IMMP2L: variants seen among roughly 807,000 people sequenced by gnomAD.
IMMP2L encodes mitochondrial inner membrane protease subunit 2.
In IMMP2L, 18 loss-of-function variants were observed where a neutral mutation model predicts 19.3. The observed-to-expected ratio is 0.93, with a 90% CI of 0.64 to 1.38. The LOEUF is 1.38. Among genes scored for constraint, IMMP2L ranks in the 40% most tolerant of loss-of-function variants. The pLI is 0.00. For missense variants in IMMP2L, 233 were observed against 218.2 expected, an observed-to-expected ratio of 1.07 and a Z score of -0.43; for synonymous variants, 76 against 73.0, an observed-to-expected ratio of 1.04 and a Z score of -0.21.
At chr7:111,378,788 T>G (rs37664) in intron 3 of IMMP2L, among the ~76,000 whole-genome samples, 29,966 of 151,794 alleles carry the variant, frequency 0.2, 3,932 homozygotes, top group African/African-American at 0.37. Context: ...TGTTACATGA[T>G]AAGTTGCAGT....
intron 3 of IMMP2L, among the ~76,000 whole-genome samples, chr7:111,233,805 TCTAATGA>T (rs1259706792): frequency 6.6e-6 from 1 of 151,986 alleles, no homozygotes; most frequent in Non-Finnish European, 1.5e-5. Context: ...CCAACAATAG[TCTAATGA>T]TTATATACCT....
Position 111,315,805 on chromosome 7 carries a change from TA to T in IMMP2L, c.239+171432del, listed in dbSNP as rs886842724. Among the ~76,000 whole-genome samples the T allele has an allele frequency of 1.8e-3, 272 of 149,488 alleles. 2 individuals are homozygous for T. Among genetic ancestry groups the T allele is most frequent in the African/African-American group, 6.3e-3 (257 of 40,762 alleles). On this transcript the variant is annotated intron_variant, in intron 3 of 5. Coordinates refer to ENST00000405709, the MANE Select transcript of IMMP2L (RefSeq NM_032549.4). ...TACAGATAATAACTACATAGGAATG[TA>T]AAAAAAAACTTACTCTGGCTATGGA...
At chr7:110,677,474 T>C (rs1192445525) in intron 5 of IMMP2L, among the ~76,000 whole-genome samples, 1 of 151,946 alleles carries the variant, frequency 6.6e-6, no homozygotes, top group African/African-American at 2.4e-5. Context: ...TATTATCTAC[T>C]TACACATTCC....
intron 3 of IMMP2L, among the ~76,000 whole-genome samples, chr7:111,462,295 A>G (rs1397303515): frequency 6.6e-6 from 1 of 152,046 alleles, no homozygotes; most frequent in Non-Finnish European, 1.5e-5. Flanking sequence ...TAACATGATC[A>G]TCACCTGAAT....
intron 5 of IMMP2L, among the ~76,000 whole-genome samples, chr7:110,741,648 T>A (rs1201243353): frequency 6.6e-6 from 1 of 152,194 alleles, no homozygotes; most frequent in African/African-American, 2.4e-5. Flanking sequence ...ATGAATTACC[T>A]AGTATAAGGT....
chr7:110,783,163 C>T (rs1293590474), intron 5 of IMMP2L, among the ~76,000 whole-genome samples: 1 of 151,668 alleles, frequency 6.6e-6, no homozygotes, highest in Non-Finnish European at 1.5e-5. Flanking sequence ...CTATCAGGGA[C>T]CATACAGAAT....
At chr7:111,495,660 T>G (rs1843527111) in intron 2 of IMMP2L, among the ~76,000 whole-genome samples, 1 of 152,190 alleles carries the variant, frequency 6.6e-6, no homozygotes, top group East Asian at 1.9e-4. Context: ...CACAGTACAC[T>G]TCCTGTTTTG....
rs377493048 is a variant in IMMP2L, at chr7:111,481,827, C to T, written c.239+5411G>A. Among the ~76,000 whole-genome samples the T allele has an allele frequency of 5.3e-5, 8 of 152,102 alleles. No homozygotes were observed. In the East Asian group the frequency reaches 5.8e-4, roughly 11 times the overall value. ...AGTGTACAATGGGAAAAGATTTAGA[C>T]GTAGTGTTATCAAATAGAAATAAAA... On this transcript the variant is annotated intron_variant, in intron 3 of 5. Transcript: ENST00000405709.
chr7:111,384,990 G>C (rs1831589352), intron 3 of IMMP2L, among the ~76,000 whole-genome samples: 1 of 152,062 alleles, frequency 6.6e-6, no homozygotes, highest in Non-Finnish European at 1.5e-5. Flanking sequence ...AAAATTAGGT[G>C]GGTTCTGTAA....
chr7:110,893,168 A>G lies in IMMP2L; in HGVS notation c.306-6473T>C, dbSNP rs1233742365. On this transcript the variant is annotated intron_variant, in intron 4 of 5. Transcript: ENST00000405709. ...AGTTTATTAAGTGTGCAATAACATT[A>G]TATCTAAAAATACATACCTTAATTT... Among the ~76,000 whole-genome samples, 4 of 152,330 alleles carry G rather than the reference A, an allele frequency of 2.6e-5. No homozygotes were observed. The East Asian group carries it at 5.8e-4, about 22-fold the overall frequency.
chr7:111,077,692 A>G (rs540150170), intron 3 of IMMP2L, among the ~76,000 whole-genome samples: 1 of 152,326 alleles, frequency 6.6e-6, no homozygotes, highest in East Asian at 1.9e-4. Flanking sequence ...GTGTACTAAT[A>G]TCTCCACCCT....
At chr7:111,121,539 C>T (rs1232502607) in intron 3 of IMMP2L, among the ~76,000 whole-genome samples, 3 of 152,178 alleles carry the variant, frequency 2.0e-5, no homozygotes, top group Non-Finnish European at 4.4e-5. Flanking sequence ...GATACCATCT[C>T]ACACCAGTTA....
chr7:111,032,393 T>C (rs1585859147), intron 3 of IMMP2L, among the ~76,000 whole-genome samples: 1 of 152,198 alleles, frequency 6.6e-6, no homozygotes, highest in African/African-American at 2.4e-5. Flanking sequence ...TGAAAAGCAC[T>C]GTTAAGAAAA....
intron 4 of IMMP2L, among the ~76,000 whole-genome samples, chr7:110,899,180 CT>C (rs1811618618): frequency 6.6e-6 from 1 of 152,076 alleles, no homozygotes; most frequent in Non-Finnish European, 1.5e-5. Flanking sequence ...TTTAACCCTT[CT>C]TTTTATGTTT....
chr7:111,446,511 A>G (rs200355433), intron 3 of IMMP2L, among the ~76,000 whole-genome samples: 39,244 of 122,638 alleles, frequency 0.32, 4,759 homozygotes, highest in African/African-American at 0.46. Flanking sequence ...CTGTTAGAAG[A>G]AAAACTAACA....
chr7:111,460,880 A>G (rs1483739932), intron 3 of IMMP2L, among the ~76,000 whole-genome samples: 3 of 152,152 alleles, frequency 2.0e-5, no homozygotes, highest in Non-Finnish European at 4.4e-5. Context: ...CTATGACACT[A>G]GTAAATCATT....
chr7:110,798,325 G>C (rs1469005328), intron 5 of IMMP2L, among the ~76,000 whole-genome samples: 1 of 151,846 alleles, frequency 6.6e-6, no homozygotes, highest in Non-Finnish European at 1.5e-5. Flanking sequence ...ACATTTCCGA[G>C]GAACATTTAC....
At chr7:111,421,012 C>A (rs574707641) in intron 3 of IMMP2L, among the ~76,000 whole-genome samples, 1 of 151,872 alleles carries the variant, frequency 6.6e-6, no homozygotes, top group Non-Finnish European at 1.5e-5. Flanking sequence ...AACTAATTTA[C>A]AGTCCCACCA....
chr7:111,023,511 G>C (rs541915609), intron 3 of IMMP2L, among the ~76,000 whole-genome samples: 33 of 150,442 alleles, frequency 2.2e-4, no homozygotes, highest in African/African-American at 8.1e-4. Context: ...GACCAGCCTG[G>C]CCAAATCGTG....
Sources: allele counts gnomAD v4.1 joint callset (sites outside exome capture counted in the v4.1 genomes callset), GRCh38; gene constraint gnomAD v4.1.1; transcripts MANE v1.5; gene names NCBI Gene and HGNC (gene_info 2026-07-23, HGNC 2026-07-21).